The following MON2 variants were observed in gnomAD, a reference collection of about 807,000 sequenced individuals.
The protein encoded by MON2 is MON2 regulator of endosome-to-Golgi trafficking.
In MON2, 84 loss-of-function variants were observed where a neutral mutation model predicts 208.6. The observed-to-expected ratio is 0.40, with a 90% CI of 0.34 to 0.48. MON2 has a LOEUF of 0.48. Among genes scored for constraint, MON2 ranks in the 20% least tolerant of loss-of-function variants. The probability of loss-of-function intolerance (pLI) is 0.59; values close to 1 mark genes in which losing one functional copy is unlikely to be tolerated. For synonymous variants in MON2, 660 were observed against 694.0 expected (o/e 0.95, Z 0.77); for missense variants, 1,611 against 2,015.4 (o/e 0.80, Z 3.84).
chr12:62,543,748 C>T (rs1374572523), intron 20 of MON2, among the ~76,000 whole-genome samples: 1 of 152,134 alleles, frequency 6.6e-6, no homozygotes, highest in African/African-American at 2.4e-5. Context: ...GCTGGGATTA[C>T]AGGCGCATAC....
Position 62,518,213 on chromosome 12 carries a change from C to T in MON2, c.985-6302C>T, listed in dbSNP as rs1382359239. On this transcript the variant is annotated intron_variant, in intron 8 of 34. Transcript: ENST00000393630. ...TTCAGCCTTATAACCTAATTTCCTC[C>T]GAAAGACTCCACCTTCAAATATCAT... Among the ~76,000 whole-genome samples the T allele has an allele frequency of 5.9e-5, 9 of 152,170 alleles. No homozygotes were observed. In the East Asian group the frequency reaches 1.2e-3, roughly 20 times the overall value.
intron 7 of MON2, among the ~76,000 whole-genome samples, chr12:62,502,529 A>G (rs2070896122): frequency 6.6e-6 from 1 of 152,186 alleles, no homozygotes. Flanking sequence ...AATTTTAATA[A>G]TAGAAAGAAT....
chr12:62,587,378 T>TA (rs1359894200), intron 33 of MON2, among the ~76,000 whole-genome samples: 6 of 136,444 alleles, frequency 4.4e-5, no homozygotes, highest in Non-Finnish European at 8.5e-5. Context: ...ACTAATTAGT[T>TA]TAAAAAAAAA....
chr12:62,540,438 G>A (rs187401519), intron 19 of MON2, among the ~76,000 whole-genome samples: 101 of 152,264 alleles, frequency 6.6e-4, no homozygotes, highest in African/African-American at 2.2e-3. Context: ...AGTGTGATTG[G>A]AGATGTATAT....
intron 23 of MON2, among the ~76,000 whole-genome samples, chr12:62,552,416 A>G (rs2073789422): frequency 1.3e-5 from 2 of 151,956 alleles, no homozygotes; most frequent in Non-Finnish European, 2.9e-5. Context: ...AACCATTGGC[A>G]TAATTATCAT....
intron 12 of MON2, among the ~76,000 whole-genome samples, chr12:62,533,648 C>T (rs1348664434): frequency 6.6e-6 from 1 of 152,166 alleles, no homozygotes; most frequent in African/African-American, 2.4e-5. Context: ...GATTCTTGTC[C>T]ATCCCAGGTG....
At chr12:62,498,697 C>G (rs143967542) in intron 4 of MON2, among the ~76,000 whole-genome samples, 2,397 of 152,112 alleles carry the variant, frequency 0.016, 34 homozygotes, top group South Asian at 0.039. Flanking sequence ...GTTAAAAAAC[C>G]AAATTTTAAA....
At chr12:62,575,956 T>G (rs2074761183) in intron 30 of MON2, among the ~76,000 whole-genome samples, 1 of 152,090 alleles carries the variant, frequency 6.6e-6, no homozygotes, top group Admixed American at 6.6e-5. Context: ...TGCAAAAGAA[T>G]TGAAAACACA....
intron 1 of MON2, chr12:62,470,719 T>G: frequency 8.5e-7 from 1 of 1,173,734 alleles, no homozygotes; most frequent in Non-Finnish European, 1.1e-6. Flanking sequence ...GAGGGGTATC[T>G]AACTGAGCCT....
At chr12:62,561,397 G>A (rs1297865352) in intron 26 of MON2, among the ~76,000 whole-genome samples, 6 of 152,040 alleles carry the variant, frequency 3.9e-5, no homozygotes, top group Admixed American at 2.0e-4. Flanking sequence ...GTCTTCACAA[G>A]AGGATATAAT....
chr12:62,483,944 T>C (rs1266028837), intron 1 of MON2, among the ~76,000 whole-genome samples: 1 of 152,232 alleles, frequency 6.6e-6, no homozygotes, highest in Non-Finnish European at 1.5e-5. Flanking sequence ...CAACATGTTG[T>C]AGTGCATTCA....
intron 1 of MON2, among the ~76,000 whole-genome samples, chr12:62,481,770 A>G (rs1210494278): frequency 6.6e-6 from 1 of 152,190 alleles, no homozygotes; most frequent in East Asian, 1.9e-4. Context: ...GTCCTGGTGT[A>G]TCCATTAGGC....
intron 19 of MON2, 32 bp downstream of exon 19, chr12:62,538,537 G>C (rs1437843460): frequency 8.8e-6 from 12 of 1,357,950 alleles, no homozygotes; most frequent in Non-Finnish European, 1.3e-5. Context: ...TTTTAGATAT[G>C]ATACATTAGT....
At chr12:62,472,810 A>G (rs966325813) in intron 1 of MON2, among the ~76,000 whole-genome samples, 2 of 152,200 alleles carry the variant, frequency 1.3e-5, no homozygotes, top group African/African-American at 4.8e-5. Flanking sequence ...GTATTTTATA[A>G]TGTGGTTTCT....
intron 8 of MON2, among the ~76,000 whole-genome samples, chr12:62,511,511 G>C (rs1020373210): frequency 2.6e-5 from 4 of 152,186 alleles, no homozygotes; most frequent in African/African-American, 9.6e-5. Flanking sequence ...AGTCAGTGGA[G>C]AAAGGATAGT....
At position 62,596,079 on chromosome 12, in the gene MON2, CAATTTGGTACCACT is replaced by C. The variant is rs1205549249; in HGVS notation, c.*3332_*3345del. ...TAAAGAGCATTTTGTTTTATTGTCACAATTTGGTACCACTAGTCCCAGGTAACCATTGGGCCAAA... is the reference window on the plus strand; with the variant it reads ...TAAAGAGCATTTTGTTTTATTGTCACAGTCCCAGGTAACCATTGGGCCAAA... On this transcript the variant is annotated 3_prime_UTR_variant, in exon 35 of 35. Coordinates refer to ENST00000393630, the MANE Select transcript of MON2 (RefSeq NM_015026.3). The C allele has an allele frequency of 6.6e-6, 1 of 152,142 alleles. No individual in the cohort carries two copies. Among genetic ancestry groups the C allele is most frequent in the Non-Finnish European group, 1.5e-5 (1 of 68,016 alleles). 9.4% of individuals were successfully genotyped at this position (152,142 alleles called of 1,614,324 possible).
intron 20 of MON2, chr12:62,544,668 T>C: frequency 9.9e-7 from 1 of 1,010,292 alleles, no homozygotes; most frequent in East Asian, 3.6e-5. Flanking sequence ...TACCCTGATA[T>C]ATAATTTACT....
chr12:62,466,906 C>G lies in MON2; in HGVS notation c.-302C>G. On this transcript the variant is annotated 5_prime_UTR_variant, in exon 1 of 35. Coordinates refer to ENST00000393630, the MANE Select transcript of MON2 (RefSeq NM_015026.3). ...TTCTTGCCAGGTTGGCTGGTGACAC[C>G]CGGTGTGGCTGGGCCCCGCGGCAGC... 2.1e-6 allele frequency: 1 copy of G among 486,752 alleles called. No individual in the cohort carries two copies. The highest frequency in any genetic ancestry group is 3.6e-6 in the Non-Finnish European group (1 of 275,204). 30.2% of individuals were successfully genotyped at this position (486,752 alleles called of 1,614,324 possible). A position where few individuals can be genotyped will look rare whatever the true frequency, so the allele number is the denominator to read the frequency against.
intron 32 of MON2, among the ~76,000 whole-genome samples, chr12:62,581,983 GCTCA>G: frequency 6.6e-6 from 1 of 152,182 alleles, no homozygotes; most frequent in Middle Eastern, 3.4e-3. Flanking sequence ...CTCTCATACT[GCTCA>G]CTTCACATAC....
Sources: allele counts gnomAD v4.1 joint callset (sites outside exome capture counted in the v4.1 genomes callset), GRCh38; gene constraint gnomAD v4.1.1; transcripts MANE v1.5; gene names NCBI Gene and HGNC (gene_info 2026-07-23, HGNC 2026-07-21).